The following PDE2A variants were observed in gnomAD, a reference collection of about 807,000 sequenced individuals.
The protein encoded by PDE2A is phosphodiesterase 2A.
In PDE2A, 53 loss-of-function variants were observed where a neutral mutation model predicts 133.6. The observed-to-expected ratio is 0.40, with a 90% CI of 0.32 to 0.50. PDE2A has a LOEUF of 0.50. Ranked by LOEUF, PDE2A falls within the 20% of genes least tolerant of loss-of-function variation. The pLI is 0.73. For missense variants in PDE2A, 796 were observed against 1,232.4 expected, an observed-to-expected ratio of 0.65 and a Z score of 5.30; for synonymous variants, 491 against 490.2, an observed-to-expected ratio of 1.00 and a Z score of -0.02.
chr11:72,657,516 C>T (rs1202909586), intron 1 of PDE2A, among the ~76,000 whole-genome samples: 1 of 152,188 alleles, frequency 6.6e-6, no homozygotes, highest in Non-Finnish European at 1.5e-5. Context: ...GCCCCGCTCA[C>T]ACACGCCAGT....
chr11:72,650,305 G>A (rs975110445), intron 1 of PDE2A, among the ~76,000 whole-genome samples: 1 of 145,354 alleles, frequency 6.9e-6, no homozygotes, highest in African/African-American at 2.4e-5. Flanking sequence ...TTACAGGCGT[G>A]AGCCACCGCG....
intron 1 of PDE2A, among the ~76,000 whole-genome samples, chr11:72,647,140 C>G (rs1356043341): frequency 1.3e-5 from 2 of 152,238 alleles, no homozygotes; most frequent in African/African-American, 4.8e-5. Context: ...CCATCTCACA[C>G]ACTTGGTCCT....
chr11:72,666,561 G>A (rs535623683), intron 1 of PDE2A, among the ~76,000 whole-genome samples: 3 of 152,164 alleles, frequency 2.0e-5, no homozygotes, highest in South Asian at 2.1e-4. Context: ...AGGAAAGCGC[G>A]ACCCAGGAGA....
At chr11:72,672,397 T>C (rs1454709259) in intron 1 of PDE2A, among the ~76,000 whole-genome samples, 1 of 152,114 alleles carries the variant, frequency 6.6e-6, no homozygotes, top group African/African-American at 2.4e-5. Context: ...TGTTGGCCAG[T>C]CTCGTCTCAA....
rs1278067021 is a variant in PDE2A, at chr11:72,590,407, T to C, written c.703+20A>G. On this transcript the variant is annotated intron_variant, in intron 8 of 30. Transcript: ENST00000334456. This position sits in a 1 kb window ranked among gnomAD's most constrained non-coding sequence, Gnocchi z 4.8. ...TCTGCCCGGCCCCGCCCTCGTGACC[T>C]GTCCAGGCCGGGCCCTCACCGCACA... 6.3e-7 allele frequency: 1 copy of C among 1,576,044 alleles called. No individual in the cohort carries two copies. Among genetic ancestry groups the C allele is most frequent in the Non-Finnish European group, 8.6e-7 (1 of 1,161,710 alleles).
chr11:72,652,751 A>G (rs1037872994), intron 1 of PDE2A: 3 of 456,012 alleles, frequency 6.6e-6, no homozygotes, highest in East Asian at 6.9e-5. Context: ...TGGAACAGCA[A>G]TTTCAACACA....
intron 2 of PDE2A, among the ~76,000 whole-genome samples, chr11:72,624,008 T>TC (rs1857920949): frequency 6.6e-6 from 1 of 151,514 alleles, no homozygotes; most frequent in Admixed American, 6.6e-5. Flanking sequence ...TTTTTTTTTT[T>TC]TTGAGATGGT....
intron 2 of PDE2A, among the ~76,000 whole-genome samples, chr11:72,623,500 C>G (rs989341624): frequency 6.6e-6 from 1 of 152,102 alleles, no homozygotes; most frequent in Non-Finnish European, 1.5e-5. Flanking sequence ...ACGACCTTAA[C>G]AAACCCCCCA....
intron 4 of PDE2A, among the ~76,000 whole-genome samples, chr11:72,603,562 T>A (rs1856847636): frequency 6.6e-6 from 1 of 152,196 alleles, no homozygotes; most frequent in South Asian, 2.1e-4. Context: ...GGAGCCTTCC[T>A]GGAGGAGTGG....
intron 25 of PDE2A, 131 bp from the exon 26 acceptor site, chr11:72,579,739 C>G: frequency 1.6e-6 from 1 of 644,600 alleles, no homozygotes; most frequent in Non-Finnish European, 2.7e-6. Context: ...AAGGGGGAGT[C>G]AGGGGCCCCA....
intron 26 of PDE2A, 45 bp downstream of exon 26, chr11:72,579,489 C>T (rs765703476): frequency 1.9e-6 from 3 of 1,565,382 alleles, no homozygotes; most frequent in East Asian, 2.3e-5. Context: ...CTCCAGCCAG[C>T]TCCCAGCTCC....
intron 1 of PDE2A, among the ~76,000 whole-genome samples, chr11:72,664,595 G>A (rs1271591634): frequency 4.0e-5 from 6 of 151,412 alleles, no homozygotes; most frequent in South Asian, 2.1e-4. Flanking sequence ...GGATGGTCTC[G>A]ATCTCCTGAC....
intron 16 of PDE2A, 110 bp from the exon 17 acceptor site, chr11:72,585,054 A>C: frequency 2.9e-6 from 3 of 1,017,796 alleles, no homozygotes; most frequent in Non-Finnish European, 4.6e-6. Flanking sequence ...GGAGTGCTCC[A>C]AGGTAAGACA....
rs1275899570 is a variant in PDE2A, at chr11:72,597,943, A to G, written c.324-324T>C. 6.6e-6 allele frequency among the ~76,000 whole-genome samples: 1 copy of G among 152,068 alleles called. No individual in the cohort carries two copies. Among genetic ancestry groups the G allele is most frequent in the Non-Finnish European group, 1.5e-5 (1 of 68,014 alleles). On this transcript the variant is annotated intron_variant, in intron 4 of 30. Coordinates refer to ENST00000334456, the MANE Select transcript of PDE2A (RefSeq NM_002599.5). This position sits in a 1 kb window ranked among gnomAD's most constrained non-coding sequence, Gnocchi z 4.6. ...AAGCTAGGCTGCCTGCTACAATCTGACCTTAGGCACATGACCTGACCTCTC... is the reference window on the plus strand; with the variant it reads ...AAGCTAGGCTGCCTGCTACAATCTGGCCTTAGGCACATGACCTGACCTCTC...
chr11:72,590,189 C>CA lies in PDE2A; in HGVS notation c.756+2dup. 1 of 1,549,626 alleles carries CA rather than the reference C, an allele frequency of 6.5e-7. No individual in the cohort carries two copies. The highest frequency in any genetic ancestry group is 8.7e-7 in the Non-Finnish European group (1 of 1,145,374). ...GGTGGCCGGCAGGGGCGCAGGGACT[C>CA]ACGTATTGGAGCACTTTGAGCTGCA... On this transcript the variant is annotated splice_region_variant and intron_variant, in intron 9 of 30. Coordinates refer to ENST00000334456, the MANE Select transcript of PDE2A (RefSeq NM_002599.5). This position sits in a 1 kb window ranked among gnomAD's most constrained non-coding sequence, Gnocchi z 4.8.
chr11:72,634,634 T>C (rs1460221972), intron 2 of PDE2A, among the ~76,000 whole-genome samples: 1 of 152,206 alleles, frequency 6.6e-6, no homozygotes, highest in Non-Finnish European at 1.5e-5. Context: ...TCCCCAACTC[T>C]GGCCTGGGTG....
intron 1 of PDE2A, among the ~76,000 whole-genome samples, chr11:72,654,518 G>A (rs1854838549): frequency 6.6e-6 from 1 of 152,160 alleles, no homozygotes; most frequent in Admixed American, 6.5e-5. Context: ...CCCAGAGGGA[G>A]AGTGTGGGGT....
rs115666675 is a variant in PDE2A at position 72,593,113 on chromosome 11, T to C, written c.490-1757A>G. 5.1e-3 allele frequency among the ~76,000 whole-genome samples: 768 copies of C among 151,136 alleles called. 3 individuals are homozygous for C. The highest frequency in any genetic ancestry group is 0.018 in the African/African-American group (733 of 41,022). On this transcript the variant is annotated intron_variant, in intron 6 of 30. Coordinates refer to ENST00000334456, the MANE Select transcript of PDE2A (RefSeq NM_002599.5). ...CAGCATGTGCACAAACACACACACC[T>C]ACACTCTCATGAAGAACGTCAGGCC...
Position 72,589,751 on chromosome 11 carries a change from G to C in PDE2A, c.873C>G (p.Pro291=). 6.2e-7 allele frequency: 1 copy of C among 1,613,754 alleles called. No homozygotes were observed. The highest frequency in any genetic ancestry group is 1.6e-4 in the Middle Eastern group (1 of 6,062). The change falls in exon 11 of 31, where the codon CCC becomes CCG. Residue 291 remains proline, a splice_region_variant and synonymous_variant. Transcript: ENST00000334456. ...ACGAGAAGACAGACGCGGGACTCAC[G>C]GGAAAGCTGACCTCTTCCCCGAGCA... The part of the protein sequence containing the change: ...DKVLGEEVSF[P]LTGCLGQVVE...
Sources: gnomAD v4.1 joint callset for allele counts (sites outside exome capture counted in the v4.1 genomes callset) on GRCh38, gnomAD v4.1.1 for gene constraint, Gnocchi (gnomAD v3.1) non-coding constraint, MANE v1.5 for transcripts, NCBI Gene and HGNC (gene_info 2026-07-23, HGNC 2026-07-21) for gene names.